The following TLE4 variants were observed in gnomAD, a reference collection of about 807,000 sequenced individuals.
TLE4 encodes TLE family member 4, transcriptional corepressor.
Under a neutral mutation model 92.8 loss-of-function variants are expected in TLE4, and 8 were observed. The observed-to-expected ratio is 0.09, with a 90% CI of 0.05 to 0.16. The LOEUF is 0.16. Among genes scored for constraint, TLE4 ranks in the 10% least tolerant of loss-of-function variants. TLE4 has a pLI of 1.00. For synonymous variants in TLE4, 371 were observed against 374.1 expected, an observed-to-expected ratio of 0.99 and a Z score of 0.10; for missense variants, 675 against 997.6, an observed-to-expected ratio of 0.68 and a Z score of 4.36.
Position 79,573,593 on chromosome 9 carries a change from CCCT to C in TLE4, c.46-94_46-92del, listed in dbSNP as rs551908327. On this transcript the variant is annotated intron_variant, in intron 1 of 19. Coordinates refer to ENST00000376552, the MANE Select transcript of TLE4 (RefSeq NM_007005.6). ...CTCTCTTTGCTTGCGTGCGCGATGA[CCCT>C]CACCCCCCGCTAACGCCGCATAGTA... 1.3e-4 allele frequency: 132 copies of C among 1,043,994 alleles called. 1 individual carries two copies. In the East Asian group the frequency reaches 3.5e-3, roughly 28 times the overall value. The allele number at this position is 1,043,994 out of a possible 1,614,324, so 64.7% of individuals were successfully genotyped here. A position where few individuals can be genotyped will look rare whatever the true frequency, so the allele number is the denominator to read the frequency against.
chr9:79,686,380 C>T (rs1057021889), intron 8 of TLE4, among the ~76,000 whole-genome samples: 2 of 152,138 alleles, frequency 1.3e-5, no homozygotes, highest in Non-Finnish European at 1.5e-5. Flanking sequence ...GGTTTCTCTT[C>T]GGGGTTGAAT....
intron 4 of TLE4, among the ~76,000 whole-genome samples, chr9:79,584,776 A>G (rs891682748): frequency 6.6e-6 from 1 of 152,240 alleles, no homozygotes; most frequent in Non-Finnish European, 1.5e-5. Flanking sequence ...GACACTTGGA[A>G]AGAGGAAGCA....
chr9:79,670,600 T>C (rs527375328), intron 8 of TLE4, among the ~76,000 whole-genome samples: 23 of 152,256 alleles, frequency 1.5e-4, no homozygotes, highest in African/African-American at 5.5e-4. Flanking sequence ...CTCTACATAC[T>C]CTGTTCAAAC....
At chr9:79,575,261 TTTG>T (rs1273813327) in intron 3 of TLE4, among the ~76,000 whole-genome samples, 3 of 152,244 alleles carry the variant, frequency 2.0e-5, no homozygotes, top group Non-Finnish European at 4.4e-5. Context: ...AGTGGCTTTC[TTTG>T]TTGTTTTATT....
chr9:79,624,777 C>G (rs1333936627), intron 5 of TLE4, among the ~76,000 whole-genome samples: 1 of 152,174 alleles, frequency 6.6e-6, no homozygotes, highest in African/African-American at 2.4e-5. Context: ...AGTCTTCATG[C>G]TAGAATGGCA....
chr9:79,722,852 TA>T lies in TLE4; in HGVS notation c.2138-106del, dbSNP rs894068606. On this transcript the variant is annotated intron_variant, in intron 18 of 19. Transcript: ENST00000376552. ...TATTTTTGAAGTGAAAGTTATTTTT[TA>T]CAAATGGATGAGTTTTCTGTTAATA... The T allele has an allele frequency of 2.7e-6, 3 of 1,106,996 alleles. No homozygotes were observed. In the African/African-American group the frequency reaches 4.8e-5, roughly 18 times the overall value. The allele number at this position is 1,106,996 out of a possible 1,614,324, so 68.6% of individuals were successfully genotyped here.
At chr9:79,675,262 T>A (rs2063081838) in intron 8 of TLE4, among the ~76,000 whole-genome samples, 2 of 152,210 alleles carry the variant, frequency 1.3e-5, no homozygotes, top group African/African-American at 4.8e-5. Flanking sequence ...TTCTTTGTTT[T>A]CCTTTCCAGT....
At chr9:79,606,506 C>A (rs554593354) in intron 4 of TLE4, among the ~76,000 whole-genome samples, 4 of 151,764 alleles carry the variant, frequency 2.6e-5, no homozygotes, top group Admixed American at 2.6e-4. Context: ...AGGTATTTCT[C>A]CTAATGCTAT....
chr9:79,688,696 T>C (rs1347663976), intron 8 of TLE4, among the ~76,000 whole-genome samples: 1 of 151,650 alleles, frequency 6.6e-6, no homozygotes, highest in Non-Finnish European at 1.5e-5. Context: ...TGGGGAAGAA[T>C]GCCGTATAAA....
At chr9:79,723,982 G>A (rs1460744802) in intron 19 of TLE4, among the ~76,000 whole-genome samples, 8 of 152,110 alleles carry the variant, frequency 5.3e-5, no homozygotes, top group African/African-American at 1.9e-4. Context: ...AAAATCCTGT[G>A]TTGTTTTCAT....
At chr9:79,603,251 G>A (rs769256906) in intron 4 of TLE4, among the ~76,000 whole-genome samples, 8 of 152,178 alleles carry the variant, frequency 5.3e-5, no homozygotes, top group Non-Finnish European at 1.0e-4. Context: ...AAGAAATTCT[G>A]TGAGTAAAAT....
intron 4 of TLE4, among the ~76,000 whole-genome samples, chr9:79,592,195 TTCTTCTTCTTCTTCTTCTTCC>T (rs1490853282): frequency 7.3e-5 from 10 of 137,802 alleles, no homozygotes; most frequent in Non-Finnish European, 1.2e-4. Context: ...CTTCTTCTTC[TTCTTCTTCTTCTTCTTCTTCC>T]TCTTCTTCTT....
At chr9:79,607,877 T>C (rs914871726) in intron 4 of TLE4, among the ~76,000 whole-genome samples, 14 of 152,080 alleles carry the variant, frequency 9.2e-5, no homozygotes, top group Non-Finnish European at 1.5e-4. Flanking sequence ...GTCTTGGCAA[T>C]GCGGGCTTTT....
At position 79,591,212 on chromosome 9, in the gene TLE4, G is replaced by C. The variant is rs149592906; in HGVS notation, c.252+15035G>C. Among the ~76,000 whole-genome samples, 5 of 152,304 alleles carry C rather than the reference G, an allele frequency of 3.3e-5. No homozygotes were observed. In the East Asian group the frequency reaches 7.7e-4, roughly 23 times the overall value. On this transcript the variant is annotated intron_variant, in intron 4 of 19. Coordinates refer to ENST00000376552, the MANE Select transcript of TLE4 (RefSeq NM_007005.6). The stretch of plus-strand genomic sequence containing the variant: ...TGTGACATAGGTGGAAGAGAAGGGG[G>C]TCTTTCTGGCTCCTTGAGTGATTAA...
In TLE4 at chr9:79,601,489, G is replaced by C; in HGVS notation, c.253-11167G>C. On this transcript the variant is annotated intron_variant, in intron 4 of 19. Coordinates refer to ENST00000376552, the MANE Select transcript of TLE4 (RefSeq NM_007005.6). ...TCTTCCAATAGCCTGTGCTCACTTCGTGTCTCTGTGTCACATTTTGGTAAC... is the reference window on the plus strand; with the variant it reads ...TCTTCCAATAGCCTGTGCTCACTTCCTGTCTCTGTGTCACATTTTGGTAAC... The C allele has an allele frequency of 8.8e-6, 4 of 454,298 alleles. No individual in the cohort carries two copies. The Admixed American group carries it at 9.4e-5, about 11-fold the overall frequency. The allele number at this position is 454,298 out of a possible 1,614,324, so 28.1% of individuals were successfully genotyped here.
At chr9:79,636,598 TC>T (rs1435649666) in intron 6 of TLE4, among the ~76,000 whole-genome samples, 1 of 152,180 alleles carries the variant, frequency 6.6e-6, no homozygotes, top group Non-Finnish European at 1.5e-5. Flanking sequence ...TCCTTATGCC[TC>T]TTTTCAGAGT....
At chr9:79,609,473 A>C (rs79493762) in intron 4 of TLE4, among the ~76,000 whole-genome samples, 1 of 152,034 alleles carries the variant, frequency 6.6e-6, no homozygotes, top group Non-Finnish European at 1.5e-5. Context: ...GAGAGAGAGG[A>C]AATAGAATGG....
At chr9:79,708,088 T>C in intron 11 of TLE4, 30 bp from the exon 12 acceptor site, 1 of 1,608,650 alleles carries the variant, frequency 6.2e-7, no homozygotes, top group Non-Finnish European at 8.5e-7. Context: ...CATGTTCTAA[T>C]TGCTGGTATA....
At chr9:79,572,941 GC>G in intron 1 of TLE4, 106 bp downstream of exon 1, 1 of 1,233,056 alleles carries the variant, frequency 8.1e-7, no homozygotes, top group Non-Finnish European at 1.1e-6. Context: ...GTGGAGAGCC[GC>G]CCGAAATCGG....
Sources: allele counts gnomAD v4.1 joint callset (sites outside exome capture counted in the v4.1 genomes callset), GRCh38; gene constraint gnomAD v4.1.1; transcripts MANE v1.5; gene names NCBI Gene and HGNC (gene_info 2026-07-23, HGNC 2026-07-21).